Variants in XRCC1 observed in about 807,000 individuals in gnomAD.
XRCC1 encodes the protein X-ray repair cross complementing 1.
A neutral mutation model predicts 83.3 loss-of-function variants in XRCC1; 52 were observed. That is an observed-to-expected ratio of 0.62 (90% CI 0.50 to 0.79). The LOEUF is 0.79. XRCC1 is among the 30% of genes least tolerant of loss of function. The probability of loss-of-function intolerance (pLI) is 0.00; values close to 1 mark genes in which losing one functional copy is unlikely to be tolerated. For synonymous variants in XRCC1, 281 were observed against 312.6 expected, an observed-to-expected ratio of 0.90 and a Z score of 1.07; for missense variants, 793 against 823.5, an observed-to-expected ratio of 0.96 and a Z score of 0.45.
At chr19:43,561,966 C>G (rs929362756) in intron 2 of XRCC1, among the ~76,000 whole-genome samples, 5 of 151,962 alleles carry the variant, frequency 3.3e-5, no homozygotes, top group African/African-American at 1.2e-4. Context: ...GCCAACATGG[C>G]AAAACCCCTT....
At chr19:43,551,760 C>T (rs199988431) in intron 9 of XRCC1, 73 bp from the exon 10 acceptor site, 17 of 1,200,758 alleles carry the variant, frequency 1.4e-5, no homozygotes, top group East Asian at 2.3e-5. Context: ...ACAGGGGAGA[C>T]AGACAGAGAG....
At chr19:43,552,491 C>A in intron 8 of XRCC1, among the ~76,000 whole-genome samples, 1 of 144,502 alleles carries the variant, frequency 6.9e-6, no homozygotes, top group Non-Finnish European at 1.5e-5. Flanking sequence ...CTCCCTCAGG[C>A]CCAGGAGTCC....
chr19:43,548,841 G>A (rs555067170), intron 10 of XRCC1, among the ~76,000 whole-genome samples: 8 of 149,956 alleles, frequency 5.3e-5, no homozygotes, highest in South Asian at 4.2e-4. Flanking sequence ...CAGGTAGCAC[G>A]TGACAAATAC....
chr19:43,569,101 G>A lies in XRCC1; in HGVS notation c.144+5809C>T, dbSNP rs976538098. On this transcript the variant is annotated intron_variant, in intron 2 of 16. Transcript: ENST00000262887. ...AAGACCAGCCTTGGCAACATAGTGA[G>A]ACTCCGTTTAAAAAAGAAAATCAAA... Among the ~76,000 whole-genome samples, 3 of 151,368 alleles carry A rather than the reference G, an allele frequency of 2.0e-5. No individual in the cohort carries two copies. The Admixed American group carries it at 2.0e-4, about 10-fold the overall frequency.
At position 43,546,110 on chromosome 19, in the gene XRCC1, C is replaced by T; in HGVS notation, c.1427-4G>A. ...TCCGCCCCATTGTCCTGTCCTTCTG[C>T]AAGTAGAAGCTCAGTCAATGCAAGG... On this transcript the variant is annotated splice_region_variant and splice_polypyrimidine_tract_variant and intron_variant, in intron 12 of 16. Transcript: ENST00000262887. The T allele has an allele frequency of 1.2e-6, 2 of 1,613,832 alleles. No individual in the cohort carries two copies. The highest frequency in any genetic ancestry group is 1.7e-6 in the Non-Finnish European group (2 of 1,179,876).
intron 15 of XRCC1, 98 bp from the exon 16 acceptor site, chr19:43,543,785 C>T: frequency 8.7e-7 from 1 of 1,146,264 alleles, no homozygotes. Context: ...CACACTGTCC[C>T]CACCTATGCG....
At chr19:43,575,310 C>T in intron 1 of XRCC1, 98 bp downstream of exon 1, 1 of 1,314,676 alleles carries the variant, frequency 7.6e-7, no homozygotes. Context: ...CCCCCCATGA[C>T]TCTCCTTAGA....
Position 43,554,900 on chromosome 19 carries a change from G to A in XRCC1, c.256-96C>T, listed in dbSNP as rs990024207. The A allele has an allele frequency of 3.7e-6, 5 of 1,361,076 alleles. No homozygotes were observed. In the African/African-American group the frequency reaches 4.4e-5, roughly 12 times the overall value. The allele number at this position is 1,361,076 out of a possible 1,614,324, so 84.3% of individuals were successfully genotyped here. A position where few individuals can be genotyped will look rare whatever the true frequency, so the allele number is the denominator to read the frequency against. ...GGAAGAGGGCACAGGGCCCACACAG[G>A]GGACTGGGAGTCACTAGAATGTAGC... On this transcript the variant is annotated intron_variant, in intron 3 of 16. Transcript: ENST00000262887.
At position 43,546,651 on chromosome 19, in the gene XRCC1, G is replaced by C. The variant is rs750477820; in HGVS notation, c.1370C>G (p.Thr457Ser). The C allele has an allele frequency of 1.7e-5, 28 of 1,611,986 alleles. No homozygotes were observed. Among genetic ancestry groups the C allele is most frequent in the Middle Eastern group, 1.7e-4 (1 of 6,060 alleles). Residue 457 changes from threonine (T) to serine (S), a missense_variant, in exon 12 of 17, where the codon ACC becomes AGC. By Grantham distance (58) the Thr-to-Ser change is moderately conservative (BLOSUM62 1). Transcript: ENST00000262887. ...SPQKPPTPEE[T>S]KAASPVLQED... ...CTGGAGCACTGGTGAGGCTGCTTTG[G>C]TCTCTTCAGGGGTTGGGGGCTTCTG...
At chr19:43,551,526 T>C (rs1972573973) in intron 10 of XRCC1, 45 bp downstream of exon 10, 1 of 1,533,332 alleles carries the variant, frequency 6.5e-7, no homozygotes, top group South Asian at 1.1e-5. Context: ...TTCCTGGCAT[T>C]GCCCAGCACA....
chr19:43,543,357 TGTGTGTG>T lies in XRCC1; in HGVS notation c.*28_*34del. The stretch of plus-strand genomic sequence containing the variant: ...TAAATGCATCGTGTGTGTGTGTGTG[TGTGTGTG>T]TGTGTGTGTGTGTGTATAGCACATA... On this transcript the variant is annotated 3_prime_UTR_variant, in exon 17 of 17. Transcript: ENST00000262887. 1 of 1,282,946 alleles carries T rather than the reference TGTGTGTG, an allele frequency of 7.8e-7. No individual in the cohort carries two copies. The highest frequency in any genetic ancestry group is 1.1e-6 in the Non-Finnish European group (1 of 912,400). The allele number at this position is 1,282,946 out of a possible 1,614,324, so 79.5% of individuals were successfully genotyped here. A position where few individuals can be genotyped will look rare whatever the true frequency, so the allele number is the denominator to read the frequency against.
chr19:43,544,900 C>G (rs1972493562), intron 14 of XRCC1, among the ~76,000 whole-genome samples: 2 of 152,162 alleles, frequency 1.3e-5, no homozygotes. Context: ...TCAAGCAGTC[C>G]TCCCACCTCG....
intron 2 of XRCC1, among the ~76,000 whole-genome samples, chr19:43,574,076 ATTATT>A (rs3213250): frequency 0.057 from 8,597 of 151,996 alleles, 438 homozygotes; most frequent in East Asian, 0.25. Flanking sequence ...TCTCATTATT[ATTATT>A]TTATTTTTTA....
chr19:43,554,543 C>A, intron 4 of XRCC1, 103 bp downstream of exon 4: 1 of 1,400,564 alleles, frequency 7.1e-7, no homozygotes, highest in South Asian at 1.5e-5. Context: ...CCATGGGACA[C>A]CAGCTGTCTA....
intron 10 of XRCC1, among the ~76,000 whole-genome samples, chr19:43,549,765 C>G (rs3213376): frequency 0.057 from 8,745 of 152,118 alleles, 475 homozygotes; most frequent in East Asian, 0.26. Flanking sequence ...ACCACGTTGC[C>G]TGCATCATAT....
At chr19:43,567,306 T>C (rs1972763584) in intron 2 of XRCC1, among the ~76,000 whole-genome samples, 1 of 151,164 alleles carries the variant, frequency 6.6e-6, no homozygotes, top group Non-Finnish European at 1.5e-5. Context: ...GCACTTTATT[T>C]ATTTATTTAT....
At chr19:43,550,238 AC>A (rs1336676770) in intron 10 of XRCC1, among the ~76,000 whole-genome samples, 1 of 151,958 alleles carries the variant, frequency 6.6e-6, no homozygotes, top group Non-Finnish European at 1.5e-5. Flanking sequence ...CCATGATCAA[AC>A]CCACTAATAT....
chr19:43,544,200 C>A lies in XRCC1; in HGVS notation c.1656G>T (p.Gly552=). The A allele has an allele frequency of 6.2e-7, 1 of 1,611,086 alleles. No homozygotes were observed. Among genetic ancestry groups the A allele is most frequent in the Non-Finnish European group, 8.5e-7 (1 of 1,178,754 alleles). Residue 552 remains glycine, a synonymous_variant, in exon 15 of 17, where the codon GGG becomes GGT. Coordinates refer to ENST00000262887, the MANE Select transcript of XRCC1 (RefSeq NM_006297.3). The stretch of plus-strand genomic sequence containing the variant: ...TCCGCCGCTCGTCCCCAGGGAACTC[C>A]CCGTAAAGAAAGAAGTGCTTGCCCT... ...FFQGKHFFLY[G]EFPGDERRKL...
chr19:43,557,621 C>T (rs1005746687), intron 3 of XRCC1, among the ~76,000 whole-genome samples: 8 of 151,574 alleles, frequency 5.3e-5, no homozygotes, highest in Admixed American at 4.6e-4. Context: ...TGGGAAAACC[C>T]TGTCCTACTA....
Sources: gnomAD v4.1 joint callset for allele counts (sites outside exome capture counted in the v4.1 genomes callset) on GRCh38, gnomAD v4.1.1 for gene constraint, MANE v1.5 for transcripts, NCBI Gene and HGNC (gene_info 2026-07-23, HGNC 2026-07-21) for gene names.